Variants in MX2 observed in about 807,000 individuals in gnomAD.
The protein encoded by MX2 is MX dynamin like GTPase 2, also known as interferon-induced GTP-binding protein Mx2.
MX2 carries 51 observed loss-of-function variants against 74.0 expected under a neutral mutation model. The observed-to-expected ratio is 0.69, with a 90% CI of 0.55 to 0.87. The LOEUF is 0.87. Among genes scored for constraint, MX2 ranks in the 40% least tolerant of loss-of-function variants. The pLI is 0.00. For synonymous variants in MX2, 369 were observed against 339.3 expected, an observed-to-expected ratio of 1.09 and a Z score of -0.96; for missense variants, 832 against 908.7, an observed-to-expected ratio of 0.92 and a Z score of 1.09.
At chr21:41,397,798 C>T in intron 8 of MX2, 107 bp downstream of exon 8, 3 of 895,524 alleles carry the variant, frequency 3.3e-6, no homozygotes, top group South Asian at 3.0e-5. Context: ...AACAAGCAAA[C>T]AAGTACCCTC....
At chr21:41,395,878 A>G (rs1431320078) in intron 7 of MX2, 93 bp downstream of exon 7, 1 of 1,258,646 alleles carries the variant, frequency 7.9e-7, no homozygotes, top group Non-Finnish European at 1.1e-6. Context: ...GTGTATGCAC[A>G]AATTACACAA....
At chr21:41,407,690 T>G (rs1168162161) in intron 13 of MX2, among the ~76,000 whole-genome samples, 1 of 151,624 alleles carries the variant, frequency 6.6e-6, no homozygotes, top group Non-Finnish European at 1.5e-5. Context: ...GCCAGGGGAG[T>G]CCTGGGCTGG....
At chr21:41,365,254 G>A (rs9981317) in intron 1 of MX2, 9,406 of 152,196 alleles carry the variant, frequency 0.062, 344 homozygotes, top group South Asian at 0.12. Flanking sequence ...TTTAGGTTCA[G>A]GGGTCCATGT....
chr21:41,382,566 T>A lies in MX2; in HGVS notation c.732+2T>A. ...CAGCCCCGAGACATCGGACTGCAGG[T>A]GAGCCCTTCTGGAATTTGGGATTGG... On this transcript the variant is annotated splice_donor_variant, in intron 5 of 13. Coordinates refer to ENST00000330714, the MANE Select transcript of MX2 (RefSeq NM_002463.2). LOFTEE classifies it high-confidence loss of function. The A allele has an allele frequency of 6.2e-7, 1 of 1,614,058 alleles. No individual in the cohort carries two copies. Among genetic ancestry groups the A allele is most frequent in the South Asian group, 1.1e-5 (1 of 91,068 alleles).
At position 41,363,105 on chromosome 21, in the gene MX2, A is replaced by C. The variant is rs960022854; in HGVS notation, c.-72+1050A>C. Among the ~76,000 whole-genome samples, 6 of 152,014 alleles carry C rather than the reference A, an allele frequency of 3.9e-5. No individual in the cohort carries two copies. The highest frequency in any genetic ancestry group is 1.4e-4 in the African/African-American group (6 of 41,382). Reference sequence around the variant, plus strand: ...TGTTCTTTCTCATTTTGTGTTTAGAATGTTGTCTCTAGCTGTTTAAAAAGA... The same window carrying C: ...TGTTCTTTCTCATTTTGTGTTTAGACTGTTGTCTCTAGCTGTTTAAAAAGA... On this transcript the variant is annotated intron_variant, in intron 1 of 13. Coordinates refer to ENST00000330714, the MANE Select transcript of MX2 (RefSeq NM_002463.2). This position sits in a 1 kb window ranked among gnomAD's most constrained non-coding sequence, Gnocchi z 4.2.
chr21:41,393,859 G>C (rs943106142), intron 6 of MX2, among the ~76,000 whole-genome samples: 8 of 152,054 alleles, frequency 5.3e-5, no homozygotes, highest in African/African-American at 1.4e-4. Flanking sequence ...CCTCTCCAAG[G>C]CTTCCCCACC....
rs1003197144 is a variant in MX2 at position 41,368,180 on chromosome 21, C to A, written c.-72+6125C>A. Among the ~76,000 whole-genome samples the A allele has an allele frequency of 1.3e-5, 2 of 152,232 alleles. No individual in the cohort carries two copies. Among genetic ancestry groups the A allele is most frequent in the Non-Finnish European group, 2.9e-5 (2 of 68,046 alleles). ...GCACCCCTAAGCCTCTTAAGCCCCC[C>A]ACTTTCATTCCCTCCTGCCTCTGTG... On this transcript the variant is annotated intron_variant, in intron 1 of 13. Coordinates refer to ENST00000330714, the MANE Select transcript of MX2 (RefSeq NM_002463.2). The surrounding 1 kb of genome is among the most constrained non-coding windows in gnomAD (Gnocchi z 4.6).
intron 5 of MX2, among the ~76,000 whole-genome samples, chr21:41,389,301 G>A (rs114128930): frequency 0.011 from 1,728 of 151,970 alleles, 32 homozygotes; most frequent in African/African-American, 0.04. Context: ...GATTACTTGC[G>A]GCCAGGAGTT....
In MX2 at chr21:41,384,050, G is replaced by C. The variant is rs561244226; in HGVS notation, c.732+1486G>C. On this transcript the variant is annotated intron_variant, in intron 5 of 13. Coordinates refer to ENST00000330714, the MANE Select transcript of MX2 (RefSeq NM_002463.2). ...CCATGCCGTTCTCGTGATTGAGGGA[G>C]TTCTCATGAGAGCTGGTGGCTTTAA... 1.7e-4 allele frequency among the ~76,000 whole-genome samples: 26 copies of C among 152,220 alleles called. No homozygotes were observed. In the East Asian group the frequency reaches 4.9e-3, roughly 28 times the overall value.
intron 12 of MX2, among the ~76,000 whole-genome samples, chr21:41,405,183 TG>T (rs1270837966): frequency 1.3e-5 from 2 of 151,314 alleles, no homozygotes; most frequent in East Asian, 3.9e-4. Flanking sequence ...CACTTGAACC[TG>T]GGAGGCGGAG....
chr21:41,380,637 G>C lies in MX2; in HGVS notation c.577+486G>C, dbSNP rs1382986229. 2.6e-5 allele frequency among the ~76,000 whole-genome samples: 4 copies of C among 152,286 alleles called. No homozygotes were observed. In the East Asian group the frequency reaches 7.7e-4, roughly 29 times the overall value. ...TGAAGTTCAGCTCTAACCCTGGCCA[G>C]CCACCTTGTGGCCACCTTTCCTCCC... is the stretch of plus-strand genomic sequence containing the variant. On this transcript the variant is annotated intron_variant, in intron 4 of 13. Coordinates refer to ENST00000330714, the MANE Select transcript of MX2 (RefSeq NM_002463.2). The surrounding 1 kb of genome is among the most constrained non-coding windows in gnomAD (Gnocchi z 4.3).
At chr21:41,362,750 C>CTTTTTTTTTTTTTTTTTTT (rs56903696) in intron 1 of MX2, among the ~76,000 whole-genome samples, 3 of 82,158 alleles carry the variant, frequency 3.7e-5, no homozygotes, top group African/African-American at 4.9e-5. Context: ...GTTTTTTTTT[C>CTTTTTTTTTTTTTTTTTTT]TTTTTTTTTT....
At chr21:41,399,171 A>G in intron 9 of MX2, 25 bp from the exon 10 acceptor site, 1 of 1,612,032 alleles carries the variant, frequency 6.2e-7, no homozygotes, top group Non-Finnish European at 8.5e-7. Context: ...TTCCGCAAAG[A>G]CTATTGACTT....
At chr21:41,362,750 C>CTTTTTTTTTTTTTTT (rs56903696) in intron 1 of MX2, among the ~76,000 whole-genome samples, 4 of 82,156 alleles carry the variant, frequency 4.9e-5, no homozygotes, top group South Asian at 4.9e-4. Context: ...GTTTTTTTTT[C>CTTTTTTTTTTTTTTT]TTTTTTTTTT....
At chr21:41,389,365 T>TA (rs1568941664) in intron 5 of MX2, among the ~76,000 whole-genome samples, 1 of 151,770 alleles carries the variant, frequency 6.6e-6, no homozygotes, top group African/African-American at 2.4e-5. Context: ...AATAAAAAAT[T>TA]AAAAAATTAA....
chr21:41,383,013 G>A (rs756699005), intron 5 of MX2, among the ~76,000 whole-genome samples: 3 of 152,208 alleles, frequency 2.0e-5, no homozygotes, highest in Non-Finnish European at 4.4e-5. Context: ...GGGCAATAAG[G>A]ACACACATCA....
At chr21:41,394,016 T>C (rs973343412) in intron 6 of MX2, among the ~76,000 whole-genome samples, 4 of 152,094 alleles carry the variant, frequency 2.6e-5, no homozygotes, top group African/African-American at 4.8e-5. Context: ...CATCCACTGC[T>C]CTCCATCCCC....
At chr21:41,381,002 ACT>A (rs1160332932) in intron 4 of MX2, among the ~76,000 whole-genome samples, 1 of 152,054 alleles carries the variant, frequency 6.6e-6, no homozygotes, top group Admixed American at 6.5e-5. Context: ...TGGATAGCAA[ACT>A]CAGTGTCTGA....
Position 41,399,177 on chromosome 21 carries a change from G to A in MX2, c.1273-19G>A. ...TCATATGATTTCCGCAAAGACTATT[G>A]ACTTTATATCATTTTCAGAAAATCA... On this transcript the variant is annotated intron_variant, in intron 9 of 13. Transcript: ENST00000330714. The A allele has an allele frequency of 6.2e-7, 1 of 1,612,710 alleles. No homozygotes were observed. Among genetic ancestry groups the A allele is most frequent in the Non-Finnish European group, 8.5e-7 (1 of 1,179,538 alleles).
Sources: allele counts gnomAD v4.1 joint callset (sites outside exome capture counted in the v4.1 genomes callset), GRCh38; gene constraint gnomAD v4.1.1; non-coding constraint Gnocchi (gnomAD v3.1); transcripts MANE v1.5; gene names NCBI Gene and HGNC (gene_info 2026-07-23, HGNC 2026-07-21).